CALCRL: variants seen among roughly 807,000 people sequenced by gnomAD.
The protein encoded by CALCRL is calcitonin receptor like receptor, also known as calcitonin gene-related peptide type 1 receptor.
A neutral mutation model predicts 60.4 loss-of-function variants in CALCRL; 27 were observed. That is an observed-to-expected ratio of 0.45 (90% CI 0.33 to 0.62). The LOEUF (loss-of-function observed/expected upper bound fraction) is 0.62. Among genes scored for constraint, CALCRL ranks in the 20% least tolerant of loss-of-function variants. CALCRL has a pLI of 0.03. For missense variants in CALCRL, 424 were observed against 540.7 expected, an observed-to-expected ratio of 0.78 and a Z score of 2.14; for synonymous variants, 190 against 182.6, an observed-to-expected ratio of 1.04 and a Z score of -0.33.
intron 12 of CALCRL, among the ~76,000 whole-genome samples, chr2:187,356,873 A>G (rs1204842918): frequency 6.6e-6 from 1 of 152,246 alleles, no homozygotes; most frequent in Non-Finnish European, 1.5e-5. Context: ...AAAAGAAGAC[A>G]TTTATGCAGC....
chr2:187,356,232 G>A (rs1044547845), intron 12 of CALCRL, among the ~76,000 whole-genome samples: 7 of 152,018 alleles, frequency 4.6e-5, no homozygotes, highest in East Asian at 3.9e-4. Context: ...AGCTGGAGGC[G>A]TCACGCTACC....
At position 187,403,745 on chromosome 2, in the gene CALCRL, G is replaced by A. The variant is rs568145703; in HGVS notation, c.-292-15989C>T. Among the ~76,000 whole-genome samples the A allele has an allele frequency of 3.9e-4, 59 of 151,916 alleles. No individual in the cohort carries two copies. In the South Asian group the frequency reaches 0.012, roughly 31 times the overall value. On this transcript the variant is annotated intron_variant, in intron 1 of 14. Transcript: ENST00000392370. ...TGGGGAAATTAATAAGTGGAAACCT[G>A]GAAATGTGACTTCAGTCATTTACTA...
intron 1 of CALCRL, among the ~76,000 whole-genome samples, chr2:187,419,062 G>A (rs1466031580): frequency 7.7e-6 from 1 of 130,288 alleles, no homozygotes; most frequent in Non-Finnish European, 1.6e-5. Context: ...TTTTAGTAGA[G>A]ACGGGTTTCA....
intron 14 of CALCRL, among the ~76,000 whole-genome samples, chr2:187,346,763 TAGAATG>T (rs1203250492): frequency 6.6e-6 from 1 of 151,812 alleles, no homozygotes; most frequent in East Asian, 1.9e-4. Context: ...TCTTTATTAA[TAGAATG>T]AGAAGACAAT....
intron 14 of CALCRL, among the ~76,000 whole-genome samples, chr2:187,347,938 G>A (rs530295779): frequency 1.8e-4 from 28 of 151,662 alleles, no homozygotes; most frequent in East Asian, 3.9e-4. Flanking sequence ...AAATAACTTC[G>A]TATTGAAAGT....
intron 1 of CALCRL, among the ~76,000 whole-genome samples, chr2:187,418,836 C>A: frequency 6.8e-6 from 1 of 146,416 alleles, no homozygotes. Flanking sequence ...TTCTTAGAAA[C>A]TTGTGTTTTT....
At chr2:187,353,964 A>C (rs1223555685) in intron 12 of CALCRL, among the ~76,000 whole-genome samples, 3 of 150,244 alleles carry the variant, frequency 2.0e-5, no homozygotes, top group South Asian at 2.1e-4. Flanking sequence ...AGTTTATTCT[A>C]TTAGCTATTT....
Position 187,383,156 on chromosome 2 carries a change from T to G in CALCRL, c.184+17A>C. 1.2e-6 allele frequency: 2 copies of G among 1,605,758 alleles called. No homozygotes were observed. Among genetic ancestry groups the G allele is most frequent in the Non-Finnish European group, 1.7e-6 (2 of 1,178,272 alleles). ...AAAATATGTCAAATGCATTTACAACTAAGTAGCCATGCTTACCTTCTGCTT... is the reference window on the plus strand; with the variant it reads ...AAAATATGTCAAATGCATTTACAACGAAGTAGCCATGCTTACCTTCTGCTT... On this transcript the variant is annotated intron_variant, in intron 5 of 14. Transcript: ENST00000392370.
chr2:187,366,847 G>C (rs577602749), intron 8 of CALCRL, among the ~76,000 whole-genome samples: 4 of 149,598 alleles, frequency 2.7e-5, no homozygotes, highest in Admixed American at 6.7e-5. Context: ...AATTTGTCTT[G>C]AAAGGTAAGT....
At chr2:187,420,894 G>GTT (rs1198564254) in intron 1 of CALCRL, among the ~76,000 whole-genome samples, 3 of 152,086 alleles carry the variant, frequency 2.0e-5, no homozygotes, top group Non-Finnish European at 4.4e-5. Context: ...TGAGTTAAAG[G>GTT]TTTCAAAGCC....
chr2:187,368,169 G>A (rs1205878872), intron 8 of CALCRL, among the ~76,000 whole-genome samples: 1 of 152,028 alleles, frequency 6.6e-6, no homozygotes, highest in African/African-American at 2.4e-5. Flanking sequence ...AAAGTTAGAG[G>A]AGATAAATCA....
chr2:187,385,678 T>C, intron 3 of CALCRL, 47 bp from the exon 4 acceptor site: 1 of 910,044 alleles, frequency 1.1e-6, no homozygotes. Flanking sequence ...ATTTATGAAA[T>C]AAATGCAGAT....
chr2:187,425,897 A>G (rs1320602918), intron 1 of CALCRL, among the ~76,000 whole-genome samples: 1 of 152,002 alleles, frequency 6.6e-6, no homozygotes, highest in East Asian at 1.9e-4. Flanking sequence ...TCACAATGAA[A>G]CATAAATATA....
intron 1 of CALCRL, among the ~76,000 whole-genome samples, chr2:187,424,977 ATAATGTC>A (rs1174997209): frequency 6.6e-6 from 1 of 151,996 alleles, no homozygotes; most frequent in Non-Finnish European, 1.5e-5. Flanking sequence ...AAAGTTTTTT[ATAATGTC>A]TACATAAGGG....
chr2:187,348,931 T>TATGC (rs1256387337), intron 14 of CALCRL, among the ~76,000 whole-genome samples: 9 of 151,750 alleles, frequency 5.9e-5, no homozygotes, highest in Non-Finnish European at 1.3e-4. Context: ...TTTATTGTTT[T>TATGC]ATGCATGACC....
chr2:187,390,894 A>G (rs995592240), intron 1 of CALCRL, among the ~76,000 whole-genome samples: 1 of 152,146 alleles, frequency 6.6e-6, no homozygotes, highest in Non-Finnish European at 1.5e-5. Context: ...AGATCTAGCA[A>G]TGACCAAATC....
intron 1 of CALCRL, among the ~76,000 whole-genome samples, chr2:187,397,807 T>C (rs1207511049): frequency 6.6e-6 from 1 of 151,748 alleles, no homozygotes; most frequent in Non-Finnish European, 1.5e-5. Context: ...TTGACTTTTT[T>C]AGTTGTTTCA....
chr2:187,427,445 C>T (rs1690193492), intron 1 of CALCRL, among the ~76,000 whole-genome samples: 1 of 152,046 alleles, frequency 6.6e-6, no homozygotes, highest in Non-Finnish European at 1.5e-5. Context: ...ATAAGACATT[C>T]ATCCTACTTT....
At chr2:187,373,488 C>G (rs1687619360) in intron 8 of CALCRL, among the ~76,000 whole-genome samples, 1 of 152,108 alleles carries the variant, frequency 6.6e-6, no homozygotes, top group African/African-American at 2.4e-5. Context: ...TATTTTTCTA[C>G]ATGAATATTT....
Sources: allele counts gnomAD v4.1 joint callset (sites outside exome capture counted in the v4.1 genomes callset), GRCh38; gene constraint gnomAD v4.1.1; transcripts MANE v1.5; gene names NCBI Gene and HGNC (gene_info 2026-07-23, HGNC 2026-07-21).